NKAIN3: variants seen among roughly 807,000 people sequenced by gnomAD.
NKAIN3 encodes sodium/potassium transporting ATPase interacting 3, also known as sodium/potassium-transporting ATPase subunit beta-1-interacting protein 3.
NKAIN3 carries 25 observed loss-of-function variants against 30.2 expected under a neutral mutation model. The ratio of observed to expected loss-of-function variants is 0.83; its 90% confidence interval spans 0.60 to 1.16. NKAIN3 has a LOEUF of 1.16. Ranked by LOEUF, NKAIN3 falls within the 50% of genes most tolerant of loss-of-function variation. NKAIN3 has a pLI of 0.00. For missense variants in NKAIN3, 225 were observed against 254.1 expected (o/e 0.89, Z 0.78); for synonymous variants, 91 against 89.6 (o/e 1.02, Z -0.09).
chr8:62,977,132 A>G lies in NKAIN3; in HGVS notation c.*11725A>G, dbSNP rs970282380. On this transcript the variant is annotated 3_prime_UTR_variant, in exon 7 of 7. Coordinates refer to ENST00000623646, the MANE Select transcript of NKAIN3 (RefSeq NM_001304533.3). ...CCCTTAACATTTTTTCTTTCAGTTC[A>G]ACCTTGGTGAATCTGACGATTATGT... Among the ~76,000 whole-genome samples the G allele has an allele frequency of 6.6e-6, 1 of 152,082 alleles. No homozygotes were observed. The highest frequency in any genetic ancestry group is 2.4e-5 in the African/African-American group (1 of 41,406).
chr8:62,478,972 A>G (rs1806611791), intron 1 of NKAIN3, among the ~76,000 whole-genome samples: 1 of 152,170 alleles, frequency 6.6e-6, no homozygotes, highest in Admixed American at 6.5e-5. Context: ...AGCTCTCAGC[A>G]TAAAGCTTTA....
intron 1 of NKAIN3, among the ~76,000 whole-genome samples, chr8:62,295,236 C>A (rs1328900747): frequency 1.3e-5 from 2 of 152,104 alleles, no homozygotes; most frequent in Non-Finnish European, 2.9e-5. Context: ...TTGTCTGAGA[C>A]AAGCAGATTA....
At chr8:62,396,455 A>G (rs1289592177) in intron 1 of NKAIN3, among the ~76,000 whole-genome samples, 2 of 152,232 alleles carry the variant, frequency 1.3e-5, no homozygotes, top group Non-Finnish European at 2.9e-5. Flanking sequence ...TGGAATGTAA[A>G]TTAATTTACA....
chr8:62,948,132 A>G (rs532298364), intron 5 of NKAIN3, among the ~76,000 whole-genome samples: 26 of 152,300 alleles, frequency 1.7e-4, no homozygotes, highest in African/African-American at 6.0e-4. Context: ...TCTGCCTGAT[A>G]CATAAAATCA....
At chr8:62,461,323 C>T (rs925615629) in intron 1 of NKAIN3, among the ~76,000 whole-genome samples, 3 of 152,220 alleles carry the variant, frequency 2.0e-5, no homozygotes, top group Admixed American at 6.5e-5. Flanking sequence ...AACACAACTA[C>T]AGCAAGAAAT....
chr8:62,457,400 T>G (rs1805855106), intron 1 of NKAIN3, among the ~76,000 whole-genome samples: 2 of 152,218 alleles, frequency 1.3e-5, no homozygotes, highest in Non-Finnish European at 2.9e-5. Flanking sequence ...CTGTCACCAG[T>G]AGTGTTCACA....
intron 1 of NKAIN3, among the ~76,000 whole-genome samples, chr8:62,541,560 C>T (rs1223192461): frequency 1.3e-5 from 2 of 152,068 alleles, no homozygotes; most frequent in Non-Finnish European, 2.9e-5. Flanking sequence ...TTCTTGTGCT[C>T]TGAGAAGGTC....
chr8:62,859,623 C>T (rs1302299370), intron 4 of NKAIN3, among the ~76,000 whole-genome samples: 2 of 150,428 alleles, frequency 1.3e-5, no homozygotes, highest in East Asian at 3.9e-4. Flanking sequence ...TGTGTGCATG[C>T]GTGTGTGTGT....
intron 1 of NKAIN3, among the ~76,000 whole-genome samples, chr8:62,503,229 A>G (rs1807517758): frequency 6.6e-6 from 1 of 152,216 alleles, no homozygotes; most frequent in Non-Finnish European, 1.5e-5. Context: ...CAGGGGTGAC[A>G]TCACATATCG....
chr8:62,730,624 T>G lies in NKAIN3; in HGVS notation c.274-16308T>G, dbSNP rs76063437. Among the ~76,000 whole-genome samples, 1,040 of 152,300 alleles carry G rather than the reference T, an allele frequency of 6.8e-3. 10 individuals are homozygous for G. The highest frequency in any genetic ancestry group is 0.011 in the Non-Finnish European group (717 of 68,000). On this transcript the variant is annotated intron_variant, in intron 3 of 6. Transcript: ENST00000623646. ...ATTTTAAAAACTGCTCACTAATCTT[T>G]GTAAGAATTAAAGAATTTCATTTGA...
At chr8:62,419,874 C>T (rs1248365557) in intron 1 of NKAIN3, among the ~76,000 whole-genome samples, 1 of 152,112 alleles carries the variant, frequency 6.6e-6, no homozygotes, top group Non-Finnish European at 1.5e-5. Flanking sequence ...TCTCGAGGTG[C>T]CCATCCTTGT....
At chr8:62,540,259 A>G (rs1808797087) in intron 1 of NKAIN3, among the ~76,000 whole-genome samples, 1 of 152,180 alleles carries the variant, frequency 6.6e-6, no homozygotes, top group Non-Finnish European at 1.5e-5. Context: ...TTAGCTTTAT[A>G]CAATTCACTA....
At chr8:62,515,110 C>T (rs1807944485) in intron 1 of NKAIN3, among the ~76,000 whole-genome samples, 1 of 152,072 alleles carries the variant, frequency 6.6e-6, no homozygotes, top group Non-Finnish European at 1.5e-5. Context: ...TACATCATGA[C>T]AATATTGTTT....
chr8:62,744,507 G>T (rs776097678), intron 3 of NKAIN3, among the ~76,000 whole-genome samples: 11 of 152,136 alleles, frequency 7.2e-5, no homozygotes, highest in African/African-American at 2.7e-4. Context: ...AGGAAAGGTC[G>T]CTGGGTAAGA....
chr8:62,787,788 T>A (rs1817571392), intron 4 of NKAIN3, among the ~76,000 whole-genome samples: 1 of 152,104 alleles, frequency 6.6e-6, no homozygotes, highest in Non-Finnish European at 1.5e-5. Context: ...TGTTTGGTTT[T>A]TTGTCCTTGT....
chr8:62,413,086 A>G (rs1804312571), intron 1 of NKAIN3, among the ~76,000 whole-genome samples: 1 of 152,146 alleles, frequency 6.6e-6, no homozygotes, highest in Admixed American at 6.5e-5. Context: ...AATTAAAACC[A>G]CAGTGAGGTA....
chr8:62,695,942 A>G (rs2130454974), intron 3 of NKAIN3, among the ~76,000 whole-genome samples: 1 of 152,278 alleles, frequency 6.6e-6, no homozygotes, highest in East Asian at 1.9e-4. Flanking sequence ...AATGGTCCCA[A>G]ATGAAGGAAT....
At chr8:62,897,714 G>A (rs1463376540) in intron 4 of NKAIN3, among the ~76,000 whole-genome samples, 1 of 152,114 alleles carries the variant, frequency 6.6e-6, no homozygotes, top group Non-Finnish European at 1.5e-5. Context: ...GATCCCTCAT[G>A]AATAGACTAA....
chr8:62,308,920 C>A (rs1716631855), intron 1 of NKAIN3, among the ~76,000 whole-genome samples: 1 of 150,536 alleles, frequency 6.6e-6, no homozygotes, highest in African/African-American at 2.5e-5. Flanking sequence ...AATATATATT[C>A]TTTTGCCTCT....
Sources: allele counts gnomAD v4.1 joint callset (sites outside exome capture counted in the v4.1 genomes callset), GRCh38; gene constraint gnomAD v4.1.1; transcripts MANE v1.5; gene names NCBI Gene and HGNC (gene_info 2026-07-23, HGNC 2026-07-21).